DTD1: variants seen among roughly 807,000 people sequenced by gnomAD.
DTD1 encodes the protein D-tyrosyl-tRNA deacylase 1 homolog.
DTD1 carries 13 observed loss-of-function variants against 25.6 expected under a neutral mutation model. That is an observed-to-expected ratio of 0.51 (90% CI 0.33 to 0.81). The LOEUF (loss-of-function observed/expected upper bound fraction) is 0.81, where lower values mean the gene tolerates loss of function less well. Among genes scored for constraint, DTD1 ranks in the 30% least tolerant of loss-of-function variants. The probability of loss-of-function intolerance (pLI) is 0.02; values close to 1 mark genes in which losing one functional copy is unlikely to be tolerated. For synonymous variants in DTD1, 110 were observed against 103.6 expected (o/e 1.06, Z -0.37); for missense variants, 193 against 266.4 (o/e 0.72, Z 1.92).
intron 4 of DTD1, among the ~76,000 whole-genome samples, chr20:18,726,783 T>C (rs2061223864): frequency 6.6e-6 from 1 of 152,238 alleles, no homozygotes; most frequent in Non-Finnish European, 1.5e-5. Flanking sequence ...TTCCCCGTTA[T>C]GGTAATTAAT....
At chr20:18,722,650 G>C (rs975579346) in intron 4 of DTD1, among the ~76,000 whole-genome samples, 1 of 152,118 alleles carries the variant, frequency 6.6e-6, no homozygotes, top group African/African-American at 2.4e-5. Flanking sequence ...TATTATTGGG[G>C]ACTGTGCTTG....
intron 4 of DTD1, among the ~76,000 whole-genome samples, chr20:18,629,589 C>CT (rs1157577705): frequency 2.4e-4 from 36 of 150,754 alleles, no homozygotes; most frequent in Non-Finnish European, 3.6e-4. Context: ...AGGCAAGAGT[C>CT]ACCATGCCTG....
chr20:18,659,873 T>C (rs2060902758), intron 4 of DTD1, among the ~76,000 whole-genome samples: 1 of 152,072 alleles, frequency 6.6e-6, no homozygotes, highest in East Asian at 1.9e-4. Context: ...ATACCTATGT[T>C]AGCAAACCTG....
chr20:18,723,018 GA>G (rs2061210582), intron 4 of DTD1, among the ~76,000 whole-genome samples: 1 of 152,200 alleles, frequency 6.6e-6, no homozygotes, highest in Non-Finnish European at 1.5e-5. Context: ...TTCAGTTAAT[GA>G]TATGAAGTTT....
At chr20:18,701,540 C>G (rs746858653) in intron 4 of DTD1, among the ~76,000 whole-genome samples, 3 of 152,178 alleles carry the variant, frequency 2.0e-5, no homozygotes, top group Admixed American at 1.3e-4. Flanking sequence ...CAACAGAATG[C>G]GGGTGGTGTG....
chr20:18,695,541 C>T (rs61189738), intron 4 of DTD1, among the ~76,000 whole-genome samples: 1 of 35,048 alleles, frequency 2.9e-5, no homozygotes, highest in Admixed American at 2.2e-4. Flanking sequence ...CTTCCTTTCC[C>T]TTCCCTTCCC....
At chr20:18,611,867 AT>A (rs1235974614) in intron 3 of DTD1, among the ~76,000 whole-genome samples, 1 of 151,710 alleles carries the variant, frequency 6.6e-6, no homozygotes, top group African/African-American at 2.4e-5. Flanking sequence ...TATTGTTATT[AT>A]TTTTGAGACG....
intron 5 of DTD1, among the ~76,000 whole-genome samples, chr20:18,758,764 G>A (rs1486331428): frequency 2.6e-5 from 4 of 152,200 alleles, no homozygotes. Context: ...GGGGTGGAGA[G>A]TTCTGTAGAT....
intron 4 of DTD1, among the ~76,000 whole-genome samples, chr20:18,686,680 T>TGTG (rs2061018349): frequency 6.9e-6 from 1 of 144,722 alleles, no homozygotes; most frequent in African/African-American, 2.5e-5. Context: ...GTGTGTGGTG[T>TGTG]GTGTGTGCAT....
At chr20:18,715,923 C>T (rs1222880170) in intron 4 of DTD1, among the ~76,000 whole-genome samples, 2 of 152,132 alleles carry the variant, frequency 1.3e-5, no homozygotes, top group African/African-American at 4.8e-5. Context: ...GTTGTTGGCA[C>T]TGACTCTTGT....
chr20:18,716,266 T>C (rs2061180313), intron 4 of DTD1, among the ~76,000 whole-genome samples: 2 of 152,208 alleles, frequency 1.3e-5, no homozygotes, highest in Non-Finnish European at 2.9e-5. Context: ...GCTGTAACAT[T>C]TCCCCACTTC....
chr20:18,598,459 G>A (rs1430367871), intron 3 of DTD1, among the ~76,000 whole-genome samples: 2 of 151,960 alleles, frequency 1.3e-5, no homozygotes, highest in African/African-American at 4.8e-5. Context: ...TGTCTTTATA[G>A]TAGAATGATT....
intron 3 of DTD1, among the ~76,000 whole-genome samples, chr20:18,617,285 T>C (rs1227114580): frequency 1.3e-5 from 2 of 150,850 alleles, no homozygotes; most frequent in African/African-American, 4.9e-5. Context: ...TTCAAAACCT[T>C]ATTGATTCAG....
chr20:18,694,756 A>G (rs1028763883), intron 4 of DTD1, among the ~76,000 whole-genome samples: 4 of 152,172 alleles, frequency 2.6e-5, no homozygotes, highest in African/African-American at 9.7e-5. Flanking sequence ...TACAGGTCAC[A>G]AATTGCATTT....
At chr20:18,729,508 C>T (rs1370294652) in intron 4 of DTD1, among the ~76,000 whole-genome samples, 1 of 152,188 alleles carries the variant, frequency 6.6e-6, no homozygotes, top group East Asian at 1.9e-4. Context: ...ACTTCATTTT[C>T]TCTGACAAGC....
In DTD1 at chr20:18,614,646, C is replaced by T. The variant is rs560454042; in HGVS notation, c.371-13481C>T. Among the ~76,000 whole-genome samples, 4 of 152,152 alleles carry T rather than the reference C, an allele frequency of 2.6e-5. No homozygotes were observed. In the South Asian group the frequency reaches 8.3e-4, roughly 32 times the overall value. ...ACTGGCTGACTTCTATGTTTGTTAG[C>T]GGCAAAGACAGCCGGGAGAGAGATT... is the stretch of plus-strand genomic sequence containing the variant. On this transcript the variant is annotated intron_variant, in intron 3 of 5. Coordinates refer to ENST00000377452, the MANE Select transcript of DTD1 (RefSeq NM_080820.6).
At chr20:18,644,648 C>T (rs2060843949) in intron 4 of DTD1, among the ~76,000 whole-genome samples, 1 of 152,174 alleles carries the variant, frequency 6.6e-6, no homozygotes, top group African/African-American at 2.4e-5. Flanking sequence ...TTGCTTGGAA[C>T]CTGTGTAGAT....
At chr20:18,662,789 A>G (rs1423018877) in intron 4 of DTD1, among the ~76,000 whole-genome samples, 1 of 152,170 alleles carries the variant, frequency 6.6e-6, no homozygotes, top group Non-Finnish European at 1.5e-5. Flanking sequence ...ATAGATATAA[A>G]ACAGCCATCT....
At chr20:18,628,373 G>A (rs77499464) in intron 4 of DTD1, 140 bp downstream of exon 4, 12 of 664,402 alleles carry the variant, frequency 1.8e-5, no homozygotes, top group African/African-American at 1.4e-4. Context: ...TCCCAAGAGT[G>A]CATGTTTACG....
Sources: gnomAD v4.1 joint callset for allele counts (sites outside exome capture counted in the v4.1 genomes callset) on GRCh38, gnomAD v4.1.1 for gene constraint, MANE v1.5 for transcripts, NCBI Gene and HGNC (gene_info 2026-07-23, HGNC 2026-07-21) for gene names.